LIPF: variants seen among roughly 807,000 people sequenced by gnomAD.
LIPF encodes the protein lipase F, gastric type, also known as gastric triacylglycerol lipase.
A neutral mutation model predicts 38.0 loss-of-function variants in LIPF; 25 were observed. The observed-to-expected ratio is 0.66, with a 90% CI of 0.48 to 0.92. The LOEUF is 0.92. Ranked by LOEUF, LIPF falls within the 40% of genes least tolerant of loss-of-function variation. The probability of loss-of-function intolerance (pLI) is 0.00; values close to 1 mark genes in which losing one functional copy is unlikely to be tolerated. For synonymous variants in LIPF, 161 were observed against 156.2 expected, an observed-to-expected ratio of 1.03 and a Z score of -0.23; for missense variants, 410 against 469.9, an observed-to-expected ratio of 0.87 and a Z score of 1.18.
intron 1 of LIPF, among the ~76,000 whole-genome samples, chr10:88,665,737 ATTT>A (rs68081693): frequency 1.0e-5 from 1 of 100,238 alleles, no homozygotes; most frequent in African/African-American, 3.7e-5. Flanking sequence ...TTAAAAACTG[ATTT>A]TTTTTTTTTT....
rs768156543 is a variant in LIPF, at chr10:88,668,807, C to T, written c.422+51C>T. 2.7e-6 allele frequency: 4 copies of T among 1,495,718 alleles called. No homozygotes were observed. The African/African-American group carries it at 4.1e-5, about 15-fold the overall frequency. The allele number at this position is 1,495,718 out of a possible 1,614,324, so 92.7% of individuals were successfully genotyped here. On this transcript the variant is annotated intron_variant, in intron 4 of 9. Coordinates refer to ENST00000238983, the MANE Select transcript of LIPF (RefSeq NM_004190.4). The stretch of plus-strand genomic sequence containing the variant: ...AAACACTGGGCTTTAAAAGCATAGG[C>T]ATTTGCCCCTTCTAATCCAGTCCCA...
chr10:88,665,675 T>C, intron 1 of LIPF: 2 of 709,944 alleles, frequency 2.8e-6, no homozygotes, highest in Non-Finnish European at 4.9e-6. Flanking sequence ...TGGTTAGTCT[T>C]TATATATTAG....
chr10:88,676,284 A>G lies in LIPF; in HGVS notation c.960+4A>G, dbSNP rs755105563. ...GAATAGGATGCACTATGATCAGGTA[A>G]GCTTCTTAAAGATGGAATTATTCAC... On this transcript the variant is annotated splice_donor_region_variant and intron_variant, in intron 9 of 9. Coordinates refer to ENST00000238983, the MANE Select transcript of LIPF (RefSeq NM_004190.4). 15 of 1,561,766 alleles carry G rather than the reference A, an allele frequency of 9.6e-6. No individual in the cohort carries two copies. The highest frequency in any genetic ancestry group is 1.3e-5 in the Non-Finnish European group (15 of 1,142,480).
chr10:88,665,446 C>G (rs1453788962), intron 1 of LIPF: 1 of 894,458 alleles, frequency 1.1e-6, no homozygotes, highest in Non-Finnish European at 1.8e-6. Flanking sequence ...ACAGTGAGTC[C>G]TCTGTATGTG....
chr10:88,674,237 C>CG (rs1564960402), intron 7 of LIPF, among the ~76,000 whole-genome samples: 1 of 151,922 alleles, frequency 6.6e-6, no homozygotes, highest in Non-Finnish European at 1.5e-5. Flanking sequence ...GGCGCAATCT[C>CG]GGCTCATAGC....
intron 1 of LIPF, among the ~76,000 whole-genome samples, chr10:88,666,729 A>G (rs981338963): frequency 3.9e-5 from 6 of 152,216 alleles, no homozygotes; most frequent in African/African-American, 1.4e-4. Flanking sequence ...GAACACCTGT[A>G]GTCCCAGCTA....
intron 1 of LIPF, among the ~76,000 whole-genome samples, chr10:88,666,212 T>TTATC (rs1388213824): frequency 6.6e-6 from 1 of 152,200 alleles, no homozygotes; most frequent in African/African-American, 2.4e-5. Context: ...TCTTGAAATA[T>TTATC]TATCAGCAAC....
At chr10:88,665,906 T>G (rs1564956027) in intron 1 of LIPF, among the ~76,000 whole-genome samples, 2 of 151,984 alleles carry the variant, frequency 1.3e-5, no homozygotes, top group African/African-American at 2.4e-5. Context: ...CCGGCTAATT[T>G]TTTTGTATTT....
At chr10:88,665,469 A>G (rs1214824981) in intron 1 of LIPF, 4 of 1,226,062 alleles carry the variant, frequency 3.3e-6, no homozygotes, top group Non-Finnish European at 4.6e-6. Flanking sequence ...AATTACTGGT[A>G]TTTTCCTAGG....
intron 9 of LIPF, among the ~76,000 whole-genome samples, chr10:88,677,112 T>C (rs1402919988): frequency 6.6e-6 from 1 of 152,234 alleles, no homozygotes; most frequent in Admixed American, 6.5e-5. Flanking sequence ...TTCCATGACT[T>C]AAAATTTAGA....
chr10:88,667,932 A>G (rs1489821131), intron 3 of LIPF, among the ~76,000 whole-genome samples: 3 of 152,216 alleles, frequency 2.0e-5, no homozygotes, highest in African/African-American at 7.2e-5. Flanking sequence ...AGTGATTATA[A>G]TAATATGTGA....
Position 88,668,749 on chromosome 10 carries a change from G to A in LIPF, c.415G>A (p.Ala139Thr), listed in dbSNP as rs748984539. The change falls in exon 4 of 10, where the codon GCT becomes ACT. Residue 139 changes from alanine to threonine, a missense_variant. Transcript: ENST00000238983. ...TTCACCAGATTCAGTTGAATTCTGG[G>A]CTTTCAGGTAAACAAAAGGGACAAT... is the stretch of plus-strand genomic sequence containing the variant. ...YYSPDSVEFW[A>T]FSFDEMAKYD... The A allele has an allele frequency of 3.7e-6, 6 of 1,613,174 alleles. No individual in the cohort carries two copies. The African/African-American group carries it at 8.0e-5, about 22-fold the overall frequency.
chr10:88,676,165 A>C (rs930678618), intron 8 of LIPF, 44 bp from the exon 9 acceptor site: 4 of 1,139,060 alleles, frequency 3.5e-6, no homozygotes, highest in Non-Finnish European at 5.1e-6. Flanking sequence ...ATTTTTCACA[A>C]TATAATAATT....
chr10:88,675,570 G>A lies in LIPF; in HGVS notation c.817-16G>A. On this transcript the variant is annotated splice_polypyrimidine_tract_variant and intron_variant, in intron 7 of 9. Coordinates refer to ENST00000238983, the MANE Select transcript of LIPF (RefSeq NM_004190.4). Reference sequence around the variant, plus strand: ...GTCTTAGTATGTATATAATATGTGTGTCTGTTGATTTCTAGAGTCGCTTGG... The same window carrying A: ...GTCTTAGTATGTATATAATATGTGTATCTGTTGATTTCTAGAGTCGCTTGG... 1 of 1,583,712 alleles carries A rather than the reference G, an allele frequency of 6.3e-7. No individual in the cohort carries two copies. Among genetic ancestry groups the A allele is most frequent in the Non-Finnish European group, 8.7e-7 (1 of 1,152,916 alleles).
intron 9 of LIPF, among the ~76,000 whole-genome samples, chr10:88,677,497 G>T (rs1047888886): frequency 2.6e-5 from 4 of 152,164 alleles, no homozygotes; most frequent in Non-Finnish European, 5.9e-5. Context: ...ATAATAGGAT[G>T]TAAGTAAAAT....
chr10:88,664,518 T>C (rs1420318700), intron 1 of LIPF, 27 bp downstream of exon 1: 2 of 152,658 alleles, frequency 1.3e-5, no homozygotes, highest in Non-Finnish European at 2.9e-5. Context: ...CTGAACAAAA[T>C]TGTTATTTGA....
Position 88,667,372 on chromosome 10 carries a change from T to C in LIPF, c.75T>C (p.His25=). 1 of 1,609,526 alleles carries C rather than the reference T, an allele frequency of 6.2e-7. No individual in the cohort carries two copies. Among genetic ancestry groups the C allele is most frequent in the East Asian group, 2.2e-5 (1 of 44,852 alleles). The part of the protein sequence containing the change: ...GTTHGLFGKL[H]PGSPEVTMNI... The stretch of plus-strand genomic sequence containing the variant: ...CACATGGTTTGTTTGGAAAATTACA[T>C]CCTGGAAGCCCTGAAGTGACTATGA... The change falls in exon 2 of 10, where the codon CAT becomes CAC. Residue 25 remains histidine, a synonymous_variant. Coordinates refer to ENST00000238983, the MANE Select transcript of LIPF (RefSeq NM_004190.4).
chr10:88,665,939 G>A (rs921782054), intron 1 of LIPF, among the ~76,000 whole-genome samples: 4 of 151,986 alleles, frequency 2.6e-5, no homozygotes, highest in Middle Eastern at 3.4e-3. Flanking sequence ...TGGTTTCACC[G>A]TGTTAGCCAG....
intron 9 of LIPF, among the ~76,000 whole-genome samples, chr10:88,676,850 T>C (rs1255787692): frequency 6.6e-6 from 1 of 152,226 alleles, no homozygotes; most frequent in East Asian, 1.9e-4. Context: ...GGAGCTTATC[T>C]TATCTGCAGT....
Sources: allele counts gnomAD v4.1 joint callset (sites outside exome capture counted in the v4.1 genomes callset), GRCh38; gene constraint gnomAD v4.1.1; transcripts MANE v1.5; gene names NCBI Gene and HGNC (gene_info 2026-07-23, HGNC 2026-07-21).